The following PDE7B variants were observed in gnomAD, a reference collection of about 807,000 sequenced individuals.
PDE7B encodes the protein 3',5'-cyclic-AMP phosphodiesterase 7B.
A neutral mutation model predicts 56.2 loss-of-function variants in PDE7B; 29 were observed. The ratio of observed to expected loss-of-function variants is 0.52; its 90% confidence interval spans 0.38 to 0.70. The LOEUF is 0.70. Ranked by LOEUF, PDE7B falls within the 30% of genes least tolerant of loss-of-function variation. The pLI is 0.00. For synonymous variants in PDE7B, 197 were observed against 196.9 expected, an observed-to-expected ratio of 1.00 and a Z score of 0.00; for missense variants, 490 against 565.0, an observed-to-expected ratio of 0.87 and a Z score of 1.35.
chr6:136,085,013 G>A (rs1003897194), intron 2 of PDE7B, among the ~76,000 whole-genome samples: 1 of 152,088 alleles, frequency 6.6e-6, no homozygotes, highest in African/African-American at 2.4e-5. Context: ...CCTAGCCGAT[G>A]GCTGGCCCCT....
intron 2 of PDE7B, among the ~76,000 whole-genome samples, chr6:136,008,678 G>A (rs574151565): frequency 2.0e-5 from 3 of 152,206 alleles, no homozygotes; most frequent in African/African-American, 7.2e-5. Context: ...TTTCGATGGG[G>A]TTGTTTGTTT....
At chr6:135,884,662 C>G (rs1046080675) in intron 1 of PDE7B, among the ~76,000 whole-genome samples, 21 of 152,262 alleles carry the variant, frequency 1.4e-4, no homozygotes, top group African/African-American at 5.1e-4. Flanking sequence ...ACTCTCTTCT[C>G]TTGTTCTTGG....
intron 2 of PDE7B, among the ~76,000 whole-genome samples, chr6:135,991,101 C>A (rs114073891): frequency 6.6e-6 from 1 of 152,144 alleles, no homozygotes; most frequent in Non-Finnish European, 1.5e-5. Context: ...AGCAGTGAGA[C>A]GACCAGAGGT....
chr6:135,928,232 A>C (rs903541281), intron 1 of PDE7B, among the ~76,000 whole-genome samples: 1 of 151,652 alleles, frequency 6.6e-6, no homozygotes, highest in African/African-American at 2.4e-5. Flanking sequence ...GCAATGTGAC[A>C]GTTCTTCAAA....
At position 136,098,149 on chromosome 6, in the gene PDE7B, A is replaced by AAAAAAAAATAT. The variant is rs1311774244; in HGVS notation, c.83-10581_83-10580insAAAAAAATATA. 420 of 135,534 alleles carry AAAAAAAAATAT rather than the reference A, an allele frequency of 3.1e-3. 5 individuals carry two copies. The highest frequency in any genetic ancestry group is 0.01 in the African/African-American group (383 of 36,660). The allele number at this position is 135,534 out of a possible 1,614,324, so 8.4% of individuals were successfully genotyped here. On this transcript the variant is annotated intron_variant, in intron 2 of 12. Coordinates refer to ENST00000308191, the MANE Select transcript of PDE7B (RefSeq NM_018945.4). Reference sequence around the variant, plus strand: ...TTTAGTTCCTGGGGGGGGGGGGGGAAATATATGTATATATATACACACACA... The same window carrying AAAAAAAAATAT: ...TTTAGTTCCTGGGGGGGGGGGGGGAAAAAAAAAATATATATATGTATATATATACACACACA...
intron 1 of PDE7B, among the ~76,000 whole-genome samples, chr6:135,916,392 C>CTTTTTTTTTTTTTTTTTTTTT (rs566408380): frequency 1.2e-4 from 12 of 96,346 alleles, no homozygotes; most frequent in South Asian, 8.4e-4. Context: ...TCTTTTCTTT[C>CTTTTTTTTTTTTTTTTTTTTT]TTTTTTTTTT....
chr6:136,033,838 T>C (rs1166792612), intron 2 of PDE7B, among the ~76,000 whole-genome samples: 1 of 141,736 alleles, frequency 7.1e-6, no homozygotes, highest in Non-Finnish European at 1.5e-5. Context: ...TCATTTTGAA[T>C]TTTTTTTTTG....
At chr6:135,907,261 C>T (rs1039345650) in intron 1 of PDE7B, among the ~76,000 whole-genome samples, 2 of 152,186 alleles carry the variant, frequency 1.3e-5, no homozygotes, top group Admixed American at 6.5e-5. Flanking sequence ...ATTCCTTCCA[C>T]CTGGCTCTTC....
chr6:136,028,001 A>G (rs1261193190), intron 2 of PDE7B, among the ~76,000 whole-genome samples: 2 of 152,200 alleles, frequency 1.3e-5, no homozygotes, highest in Admixed American at 1.3e-4. Context: ...ACCATGCTTT[A>G]TAGTTAGTTG....
At chr6:135,899,182 T>C (rs772201207) in intron 1 of PDE7B, among the ~76,000 whole-genome samples, 1 of 152,122 alleles carries the variant, frequency 6.6e-6, no homozygotes, top group African/African-American at 2.4e-5. Context: ...TGTGAGTCAA[T>C]TAAACCTCTT....
chr6:135,981,823 AC>A (rs1364344397), intron 2 of PDE7B, among the ~76,000 whole-genome samples: 32 of 151,854 alleles, frequency 2.1e-4, no homozygotes, highest in African/African-American at 7.3e-5. Context: ...TATGGTAAAT[AC>A]ATACACCAAT....
At chr6:136,040,647 T>G (rs1420304927) in intron 2 of PDE7B, among the ~76,000 whole-genome samples, 1 of 152,134 alleles carries the variant, frequency 6.6e-6, no homozygotes, top group Non-Finnish European at 1.5e-5. Flanking sequence ...GAGGCAGAGG[T>G]TTATGATAGA....
chr6:135,855,526 T>C (rs962821018), intron 1 of PDE7B, among the ~76,000 whole-genome samples: 2 of 152,208 alleles, frequency 1.3e-5, no homozygotes, highest in African/African-American at 4.8e-5. Flanking sequence ...TATGATGATC[T>C]ATAATGTGAT....
intron 8 of PDE7B, chr6:136,165,749 T>G (rs1778782433): frequency 6.6e-6 from 1 of 152,214 alleles, no homozygotes; most frequent in African/African-American, 2.4e-5. Flanking sequence ...TTAAACAACC[T>G]TCCTGGAAAT....
intron 1 of PDE7B, among the ~76,000 whole-genome samples, chr6:135,874,489 T>C (rs1775453681): frequency 1.3e-5 from 2 of 152,218 alleles, no homozygotes; most frequent in Non-Finnish European, 2.9e-5. Flanking sequence ...TACTCAGTAA[T>C]TATTTGAAGT....
Position 136,191,779 on chromosome 6 carries a change from C to G in PDE7B, c.1292C>G (p.Pro431Arg). The G allele has an allele frequency of 6.3e-7, 1 of 1,578,320 alleles. No individual in the cohort carries two copies. The highest frequency in any genetic ancestry group is 8.6e-7 in the Non-Finnish European group (1 of 1,162,632). The change falls in exon 13 of 13, where the codon CCT becomes CGT. Residue 431 changes from proline (P) to arginine (R), a missense_variant. By Grantham distance (103) the Pro-to-Arg change is moderately radical (BLOSUM62 -2). Coordinates refer to ENST00000308191, the MANE Select transcript of PDE7B (RefSeq NM_018945.4). ...AGCAGGGGCAGCAGTGGCAGCGGGCCTGACCACGACCACGCAGGCCAAGGG... is the reference window on the plus strand; with the variant it reads ...AGCAGGGGCAGCAGTGGCAGCGGGCGTGACCACGACCACGCAGGCCAAGGG... Reference protein sequence around the residue: ...HRSRGSSGSGPDHDHAGQGTE... With the variant: ...HRSRGSSGSGRDHDHAGQGTE...
intron 8 of PDE7B, among the ~76,000 whole-genome samples, chr6:136,171,603 G>A (rs1007479642): frequency 1.3e-5 from 2 of 151,812 alleles, no homozygotes; most frequent in East Asian, 3.9e-4. Context: ...ATAGTGACAT[G>A]GTATCCATTA....
intron 3 of PDE7B, among the ~76,000 whole-genome samples, chr6:136,122,698 T>C (rs2128443542): frequency 6.6e-6 from 1 of 152,364 alleles, no homozygotes; most frequent in African/African-American, 2.4e-5. Context: ...TTTATATGTA[T>C]AACATTATTT....
chr6:135,973,110 A>G (rs1775121459), intron 2 of PDE7B, among the ~76,000 whole-genome samples: 1 of 151,048 alleles, frequency 6.6e-6, no homozygotes, highest in Non-Finnish European at 1.5e-5. Context: ...ACTTTAAGCC[A>G]GTTGATGAGT....
Sources: allele counts gnomAD v4.1 joint callset (sites outside exome capture counted in the v4.1 genomes callset), GRCh38; gene constraint gnomAD v4.1.1; transcripts MANE v1.5; gene names NCBI Gene and HGNC (gene_info 2026-07-23, HGNC 2026-07-21).